The following CIZ1 variants were observed in gnomAD, a reference collection of about 807,000 sequenced individuals.
The protein encoded by CIZ1 is CDKN1A interacting zinc finger protein 1.
A neutral mutation model predicts 118.6 loss-of-function variants in CIZ1; 58 were observed. The ratio of observed to expected loss-of-function variants is 0.49; its 90% CI spans 0.40 to 0.61. CIZ1 has a LOEUF of 0.61. Ranked by LOEUF, CIZ1 falls within the 20% of genes least tolerant of loss-of-function variation. The pLI, the probability that CIZ1 is intolerant of heterozygous loss-of-function variation, is 0.00. For missense variants in CIZ1, 921 were observed against 1,115.9 expected, an observed-to-expected ratio of 0.83 and a Z score of 2.49; for synonymous variants, 448 against 443.4, an observed-to-expected ratio of 1.01 and a Z score of -0.13.
At chr9:128,201,464 A>G (rs936245839) in intron 1 of CIZ1, among the ~76,000 whole-genome samples, 7 of 152,230 alleles carry the variant, frequency 4.6e-5, no homozygotes, top group African/African-American at 1.7e-4. Context: ...TAAATAAAAT[A>G]AATAAGTAAA....
chr9:128,175,170 T>C (rs1356390883), intron 11 of CIZ1, among the ~76,000 whole-genome samples: 1 of 152,254 alleles, frequency 6.6e-6, no homozygotes. Context: ...CTGTTTTACT[T>C]TGACATTGCA....
chr9:128,167,402 C>A, intron 14 of CIZ1: 1 of 523,928 alleles, frequency 1.9e-6, no homozygotes, highest in Non-Finnish European at 3.3e-6. Flanking sequence ...GGAAGCCCTC[C>A]TGCTCCTACA....
chr9:128,181,327 G>A (rs1398054919), intron 5 of CIZ1, among the ~76,000 whole-genome samples: 7 of 152,176 alleles, frequency 4.6e-5, no homozygotes, highest in Admixed American at 4.6e-4. Flanking sequence ...TGTTGGCCAC[G>A]CTGGTATCTG....
At chr9:128,177,542 C>CCCCCCAAAAAA in intron 10 of CIZ1, 24 bp downstream of exon 10, 54 of 1,229,458 alleles carry the variant, frequency 4.4e-5, no homozygotes, top group Non-Finnish European at 5.3e-5. Context: ...CACCCCTCCC[C>CCCCCCAAAAAA]ACCCTTATCT....
At chr9:128,192,609 C>A (rs1431031365), upstream of CIZ1, among the ~76,000 whole-genome samples, 3 of 152,198 alleles carry the variant, frequency 2.0e-5, no homozygotes, top group African/African-American at 7.2e-5. Flanking sequence ...GTGGCACGAT[C>A]TGGGCTCACC....
chr9:128,169,354 C>A, intron 13 of CIZ1, 52 bp downstream of exon 13: 1 of 1,468,232 alleles, frequency 6.8e-7, no homozygotes, highest in Non-Finnish European at 9.3e-7. Flanking sequence ...ACAGCCTTGG[C>A]CAAGGCTCTG....
intron 5 of CIZ1, among the ~76,000 whole-genome samples, chr9:128,183,709 T>A (rs1419284425): frequency 6.6e-6 from 1 of 152,220 alleles, no homozygotes; most frequent in Non-Finnish European, 1.5e-5. Flanking sequence ...TAGCTTAGGA[T>A]TTTATAGCAT....
rs543254793 is a variant in CIZ1 at position 128,181,317 on chromosome 9, T to C, written c.589-503A>G. ...TTTTAGTAGAGTTGGGGTTTCACTA[T>C]GTTGGCCACGCTGGTATCTGTGGGT... On this transcript the variant is annotated intron_variant, in intron 5 of 16. Coordinates refer to ENST00000372938, the MANE Select transcript of CIZ1 (RefSeq NM_001131016.2). 2.2e-3 allele frequency among the ~76,000 whole-genome samples: 341 copies of C among 152,320 alleles called. 5 individuals are homozygous for C. Among genetic ancestry groups the C allele is most frequent in the Non-Finnish European group, 4.9e-4 (33 of 68,036 alleles).
chr9:128,170,854 G>A (rs1226755035), intron 11 of CIZ1, among the ~76,000 whole-genome samples: 1 of 152,132 alleles, frequency 6.6e-6, no homozygotes. Flanking sequence ...AAAAAGGGAG[G>A]CCGGGCATAG....
rs1832971230 is a variant in CIZ1, at chr9:128,190,331, T to C, written c.284A>G (p.Gln95Arg). 2.5e-6 allele frequency: 4 copies of C among 1,610,918 alleles called. No individual in the cohort carries two copies. The highest frequency in any genetic ancestry group is 3.4e-6 in the Non-Finnish European group (4 of 1,177,570). ...AAGAGGCCTGGGGCCATCCATACCT[T>C]GCAACTGCTGTAAAAGCAAAGCTCT... ...LQRALLLQQL[Q>R]GLDQFAMPPA... Residue 95 changes from glutamine to arginine, a missense_variant and splice_region_variant, in exon 3 of 17, where the codon CAA becomes CGA. Physicochemically the swap from Gln to Arg is conservative, Grantham distance 43. Transcript: ENST00000372938.
At position 128,185,724 on chromosome 9, in the gene CIZ1, G is replaced by C. The variant is rs938471882; in HGVS notation, c.411C>G (p.Leu137=). 11 of 1,612,880 alleles carry C rather than the reference G, an allele frequency of 6.8e-6. No homozygotes were observed. Among genetic ancestry groups the C allele is most frequent in the Non-Finnish European group, 9.3e-6 (11 of 1,179,434 alleles). The change falls in exon 5 of 17, where the codon CTC becomes CTG. Residue 137 remains leucine, a synonymous_variant. Transcript: ENST00000372938. ...MASPGLAAPS[L]TPPQLATPNL... ...TTGGAGTGGCCAGTTGTGGGGGTGT[G>C]AGGCTGGGGGCTGCGAGGCCTGGGG...
Position 128,167,123 on chromosome 9 carries a change from C to A in CIZ1, c.2337G>T (p.Ser779=). 6.2e-7 allele frequency: 1 copy of A among 1,602,776 alleles called. No homozygotes were observed. Among genetic ancestry groups the A allele is most frequent in the Non-Finnish European group, 8.5e-7 (1 of 1,174,468 alleles). ...ATGCAGTATTGGGGCTGTAGGTCTC[C>A]GAGCCCTTCCACTCCTCTCTGGATA... is the stretch of plus-strand genomic sequence containing the variant. The part of the protein sequence containing the change: ...RDISREEWKG[S]ETYSPNTAYG... Residue 779 remains serine (S), a synonymous_variant, in exon 15 of 17, where the codon TCG becomes TCT. Transcript: ENST00000372938.
At position 128,178,849 on chromosome 9, in the gene CIZ1, A is replaced by G; in HGVS notation, c.1358T>C (p.Val453Ala). The change falls in exon 8 of 17, where the codon GTG becomes GCG. Residue 453 changes from valine to alanine, a missense_variant. By Grantham distance (64) the Val-to-Ala change is moderately conservative. Transcript: ENST00000372938. ...GGTCTGCTCTGGTGGCTGTACTGAC[A>G]CCTGCGCTGGAGGATGCTCCTGTGG... Reference protein sequence around the residue: ...VQPQEHPPAQVSVQPPEQTHE... With the variant: ...VQPQEHPPAQASVQPPEQTHE... 2 of 1,614,128 alleles carry G rather than the reference A, an allele frequency of 1.2e-6. No homozygotes were observed. The highest frequency in any genetic ancestry group is 1.7e-6 in the Non-Finnish European group (2 of 1,180,000).
intron 11 of CIZ1, among the ~76,000 whole-genome samples, chr9:128,172,008 G>A (rs1350062392): frequency 6.6e-6 from 1 of 151,374 alleles, no homozygotes; most frequent in African/African-American, 2.4e-5. Context: ...TTAAACCAAG[G>A]CTGGGCATAC....
intron 3 of CIZ1, among the ~76,000 whole-genome samples, chr9:128,189,543 G>C (rs532639720): frequency 6.6e-6 from 1 of 152,214 alleles, no homozygotes; most frequent in East Asian, 1.9e-4. Context: ...ATCTTGGCTG[G>C]GCGCAGTGGC....
chr9:128,191,694 G>GC, upstream of CIZ1: 1 of 1,294,288 alleles, frequency 7.7e-7, no homozygotes, highest in Non-Finnish European at 9.8e-7. The surrounding 1 kb of genome is among the most constrained non-coding windows in gnomAD (Gnocchi z 5.5). Flanking sequence ...CGGCTGCGGG[G>GC]CGCTAGCAGG....
intron 2 of CIZ1, 76 bp from the exon 3 acceptor site, chr9:128,190,520 C>A: frequency 7.3e-7 from 1 of 1,372,096 alleles, no homozygotes; most frequent in Non-Finnish European, 1.0e-6. Context: ...TTCTCACCTC[C>A]ATTCTCTGCC....
chr9:128,182,030 C>G (rs1278217345), intron 5 of CIZ1, among the ~76,000 whole-genome samples: 1 of 152,210 alleles, frequency 6.6e-6, no homozygotes, highest in African/African-American at 2.4e-5. Context: ...ATGGCGTAAG[C>G]TGTCTTTCTC....
rs45608639 is a variant in CIZ1 at position 128,177,787 on chromosome 9, C to T, written c.1621-24G>A. 7,613 of 1,512,724 alleles carry T rather than the reference C, an allele frequency of 5.0e-3. 319 individuals carry two copies. In the African/African-American group the frequency reaches 0.091, roughly 18 times the overall value. The allele number at this position is 1,512,724 out of a possible 1,614,324, so 93.7% of individuals were successfully genotyped here. A position where few individuals can be genotyped will look rare whatever the true frequency, so the allele number is the denominator to read the frequency against. ...ACCTGCATGGGGAGTAGGAACTGAA[C>T]TTCCATCAACTGTGTACTTATAGTG... On this transcript the variant is annotated intron_variant, in intron 9 of 16. Transcript: ENST00000372938.
Sources: allele counts gnomAD v4.1 joint callset (sites outside exome capture counted in the v4.1 genomes callset), GRCh38; gene constraint gnomAD v4.1.1; non-coding constraint Gnocchi (gnomAD v3.1); transcripts MANE v1.5; gene names NCBI Gene and HGNC (gene_info 2026-07-23, HGNC 2026-07-21).